The following LLGL2 variants were observed in gnomAD, a reference collection of about 807,000 sequenced individuals.
LLGL2 encodes the protein LLGL scribble cell polarity complex component 2, also known as LLGL2, scribble cell polarity complex component.
In LLGL2, 81 loss-of-function variants were observed where a neutral mutation model predicts 123.2. The ratio of observed to expected loss-of-function variants is 0.66; its 90% confidence interval spans 0.55 to 0.79. The LOEUF (loss-of-function observed/expected upper bound fraction) is 0.79. Among genes scored for constraint, LLGL2 ranks in the 30% least tolerant of loss-of-function variants. LLGL2 has a pLI of 0.00. For synonymous variants in LLGL2, 577 were observed against 594.1 expected (o/e 0.97, Z 0.42); for missense variants, 1,273 against 1,414.6 (o/e 0.90, Z 1.61).
intron 23 of LLGL2, 35 bp from the exon 24 acceptor site, chr17:75,574,418 G>A: frequency 6.5e-7 from 1 of 1,547,666 alleles, no homozygotes; most frequent in African/African-American, 1.4e-5. Context: ...CGCCCCAAGG[G>A]CCTCAGTGGG....
chr17:75,568,427 G>A, intron 10 of LLGL2, 49 bp from the exon 11 acceptor site: 1 of 1,587,902 alleles, frequency 6.3e-7, no homozygotes, highest in East Asian at 2.3e-5. Flanking sequence ...CCACAGAGCT[G>A]GGCTGCTTCC....
chr17:75,551,507 C>T (rs925176948), intron 2 of LLGL2, among the ~76,000 whole-genome samples: 12 of 151,978 alleles, frequency 7.9e-5, no homozygotes, highest in South Asian at 6.2e-4. Context: ...GGGGTGGCCA[C>T]GATAACTCCA....
Position 75,570,466 on chromosome 17 carries a change from C to T in LLGL2, c.1993C>T (p.Arg665Trp), listed in dbSNP as rs762321284. Residue 665 changes from arginine (R) to tryptophan (W), a missense_variant, in exon 16 of 26, where the codon CGG (arginine) becomes TGG (tryptophan). Coordinates refer to ENST00000392550, the MANE Select transcript of LLGL2 (RefSeq NM_001031803.2). ...GATGCGTCGGAGCCGGGTGTCCAGC[C>T]GGAAGCGGCACCCGGCTGGCCCCCC... is the stretch of plus-strand genomic sequence containing the variant. ...RRMRRSRVSS[R>W]KRHPAGPPGE... 1.8e-5 allele frequency: 28 copies of T among 1,588,852 alleles called. No homozygotes were observed. In the Admixed American group the frequency reaches 3.2e-4, roughly 18 times the overall value.
At chr17:75,542,016 A>AT (rs1477329278) in intron 1 of LLGL2, among the ~76,000 whole-genome samples, 2 of 151,636 alleles carry the variant, frequency 1.3e-5, no homozygotes, top group Non-Finnish European at 2.9e-5. Flanking sequence ...CAAGACTGCC[A>AT]TTTTTTACAG....
intron 2 of LLGL2, among the ~76,000 whole-genome samples, chr17:75,547,173 C>G (rs56221020): frequency 0.35 from 53,554 of 152,138 alleles, 9,793 homozygotes; most frequent in South Asian, 0.57. Context: ...GACATCGCCC[C>G]GGGGGTCCTG....
Position 75,558,602 on chromosome 17 carries a change from A to C in LLGL2, c.346A>C (p.Ser116Arg). 1 of 1,609,354 alleles carries C rather than the reference A, an allele frequency of 6.2e-7. No individual in the cohort carries two copies. The highest frequency in any genetic ancestry group is 2.2e-5 in the East Asian group (1 of 44,672). The stretch of plus-strand genomic sequence containing the variant: ...GGCATCGGAGCTGCAGGAGGATGAG[A>C]GCTTCACACTGCGTGGACCCCCAGG... ...GGASELQEDE[S>R]FTLRGPPGAA... is the part of the protein sequence containing the mutation. The change falls in exon 5 of 26, where the codon AGC becomes CGC. Residue 116 changes from serine to arginine, a missense_variant. Ser to Arg is a moderately radical substitution (Grantham distance 110, BLOSUM62 -1). Coordinates refer to ENST00000392550, the MANE Select transcript of LLGL2 (RefSeq NM_001031803.2). This position sits in a 1 kb window ranked among gnomAD's most constrained non-coding sequence, Gnocchi z 4.0.
chr17:75,563,730 A>C (rs754355635), intron 8 of LLGL2, 22 bp from the exon 9 acceptor site: 3 of 1,614,024 alleles, frequency 1.9e-6, no homozygotes, highest in Non-Finnish European at 2.5e-6. Context: ...GGATCCGTTC[A>C]AGCCGATTCC....
In LLGL2 at chr17:75,573,019, C is replaced by T. The variant is rs765936728; in HGVS notation, c.2466C>T (p.Phe822=). 6.2e-7 allele frequency: 1 copy of T among 1,602,782 alleles called. No individual in the cohort carries two copies. Among genetic ancestry groups the T allele is most frequent in the Non-Finnish European group, 8.5e-7 (1 of 1,172,188 alleles). The part of the protein sequence containing the change: ...LVVSEEQFKV[F]TLPKVSAKLK... ...CAACCACCCCACGCCCCCAGGTGTT[C>T]ACGCTGCCCAAGGTGAGTGCCAAGC... is the stretch of plus-strand genomic sequence containing the variant. Residue 822 remains phenylalanine, a synonymous_variant, in exon 20 of 26, where the codon TTC becomes TTT. Coordinates refer to ENST00000392550, the MANE Select transcript of LLGL2 (RefSeq NM_001031803.2).
At chr17:75,533,230 AC>A (rs1335634732) in intron 1 of LLGL2, among the ~76,000 whole-genome samples, 1 of 145,822 alleles carries the variant, frequency 6.9e-6, no homozygotes, top group African/African-American at 2.6e-5. Flanking sequence ...TGATCTCCTG[AC>A]CTCGTGATCT....
At chr17:75,573,911 G>GA in intron 21 of LLGL2, 41 bp from the exon 22 acceptor site, 1 of 1,548,878 alleles carries the variant, frequency 6.5e-7, no homozygotes, top group Non-Finnish European at 8.7e-7. Context: ...GCCGGGCAGG[G>GA]AGCCCGGGGG....
intron 2 of LLGL2, among the ~76,000 whole-genome samples, chr17:75,555,816 G>A (rs978935611): frequency 1.3e-5 from 2 of 152,212 alleles, no homozygotes; most frequent in Non-Finnish European, 2.9e-5. Flanking sequence ...ATGGTGTCGG[G>A]GAAGATCAGC....
intron 25 of LLGL2, 21 bp from the exon 26 acceptor site, chr17:75,574,850 C>T (rs761073701): frequency 6.2e-7 from 1 of 1,613,934 alleles, no homozygotes; most frequent in Admixed American, 1.7e-5. Flanking sequence ...TGATCTTGAG[C>T]TGTCCCTCTG....
At chr17:75,552,363 C>T (rs976621247) in intron 2 of LLGL2, among the ~76,000 whole-genome samples, 1 of 152,094 alleles carries the variant, frequency 6.6e-6, no homozygotes, top group African/African-American at 2.4e-5. Context: ...GTGGTGTGTG[C>T]CTGTAGTCCC....
At position 75,574,999 on chromosome 17, in the gene LLGL2, C is replaced by A; in HGVS notation, c.*121C>A. The A allele has an allele frequency of 7.1e-7, 1 of 1,402,036 alleles. No individual in the cohort carries two copies. Among genetic ancestry groups the A allele is most frequent in the Non-Finnish European group, 1.0e-6 (1 of 989,150 alleles). The allele number at this position is 1,402,036 out of a possible 1,614,324, so 86.8% of individuals were successfully genotyped here. On this transcript the variant is annotated 3_prime_UTR_variant, in exon 26 of 26. Transcript: ENST00000392550. ...CCGCCAGGGGCTGGGGGCATCCCGG[C>A]TTCCACAATGCAGCTGCTCTGGGCC...
intron 2 of LLGL2, among the ~76,000 whole-genome samples, chr17:75,548,267 A>G (rs4789209): frequency 0.85 from 127,247 of 149,630 alleles, 54,442 homozygotes; most frequent in Middle Eastern, 0.92. Context: ...CAGAAGGACA[A>G]TTTTTTTTTT....
intron 1 of LLGL2, among the ~76,000 whole-genome samples, chr17:75,541,629 A>G (rs1568026549): frequency 1.3e-5 from 2 of 149,664 alleles, no homozygotes; most frequent in Non-Finnish European, 1.5e-5. Flanking sequence ...CCAGAAGGTG[A>G]CAGCGCTCTG....
At chr17:75,557,034 CTTTTTT>C (rs55649536) in intron 3 of LLGL2, among the ~76,000 whole-genome samples, 7 of 109,886 alleles carry the variant, frequency 6.4e-5, no homozygotes, top group African/African-American at 1.4e-4. Context: ...GTCTCAAAAA[CTTTTTT>C]TTTTTTTTTT....
At chr17:75,557,013 A>G (rs1028237661) in intron 3 of LLGL2, among the ~76,000 whole-genome samples, 6 of 143,276 alleles carry the variant, frequency 4.2e-5, no homozygotes, top group Admixed American at 3.5e-4. Flanking sequence ...TGGGCAACAG[A>G]GTGAGACTCT....
chr17:75,537,040 C>T (rs903314065), intron 1 of LLGL2, among the ~76,000 whole-genome samples: 33 of 152,224 alleles, frequency 2.2e-4, no homozygotes, highest in South Asian at 8.3e-4. Flanking sequence ...CCAGGCTGCT[C>T]GCAAACTCCT....
Sources: allele counts gnomAD v4.1 joint callset (sites outside exome capture counted in the v4.1 genomes callset), GRCh38; gene constraint gnomAD v4.1.1; non-coding constraint Gnocchi (gnomAD v3.1); transcripts MANE v1.5; gene names NCBI Gene and HGNC (gene_info 2026-07-23, HGNC 2026-07-21).